OSBPL8: variants seen among roughly 807,000 people sequenced by gnomAD.
OSBPL8 encodes the protein oxysterol-binding protein-related protein 8.
In OSBPL8, 59 loss-of-function variants were observed where a neutral mutation model predicts 125.5. The ratio of observed to expected loss-of-function variants is 0.47; its 90% CI spans 0.38 to 0.58. The LOEUF (loss-of-function observed/expected upper bound fraction) is 0.58, where lower values mean the gene tolerates loss of function less well. Among genes scored for constraint, OSBPL8 ranks in the 20% least tolerant of loss-of-function variants. The probability of loss-of-function intolerance (pLI) is 0.00; values close to 1 mark genes in which losing one functional copy is unlikely to be tolerated. For synonymous variants in OSBPL8, 330 were observed against 338.9 expected, an observed-to-expected ratio of 0.97 and a Z score of 0.29; for missense variants, 758 against 1,047.8, an observed-to-expected ratio of 0.72 and a Z score of 3.82.
intron 3 of OSBPL8, 146 bp from the exon 4 acceptor site, chr12:76,451,134 A>G: frequency 2.2e-6 from 2 of 891,752 alleles, no homozygotes; most frequent in Admixed American, 6.6e-5. Flanking sequence ...AAATTCTCAC[A>G]GTCATCTTGT....
At position 76,355,693 on chromosome 12, in the gene OSBPL8, C is replaced by G. The variant is rs1459307876; in HGVS notation, c.*196G>C. 1 of 558,646 alleles carries G rather than the reference C, an allele frequency of 1.8e-6. No individual in the cohort carries two copies. Among genetic ancestry groups the G allele is most frequent in the Non-Finnish European group, 3.0e-6 (1 of 331,280 alleles). 34.6% of individuals were successfully genotyped at this position (558,646 alleles called of 1,614,324 possible). ...GTCCTGGCACTTAACACATAGCTCA[C>G]TTTAATAATCAAATAGGATAGCTCT... On this transcript the variant is annotated 3_prime_UTR_variant, in exon 24 of 24. Coordinates refer to ENST00000261183, the MANE Select transcript of OSBPL8 (RefSeq NM_020841.5).
rs1013930532 is a variant in OSBPL8, at chr12:76,439,707, A to G, written c.217+11144T>C. 1.8e-4 allele frequency among the ~76,000 whole-genome samples: 28 copies of G among 152,270 alleles called. 1 individual carries two copies. The highest frequency in any genetic ancestry group is 1.6e-3 in the Admixed American group (24 of 15,296). ...TTATAAAAATCACTAGTATTTTCTA[A>G]TTATGGAGTCAGTTTTGGGAAATCA... On this transcript the variant is annotated intron_variant, in intron 4 of 23. Coordinates refer to ENST00000261183, the MANE Select transcript of OSBPL8 (RefSeq NM_020841.5).
intron 4 of OSBPL8, among the ~76,000 whole-genome samples, chr12:76,444,242 A>G (rs1272076702): frequency 6.6e-6 from 1 of 152,248 alleles, no homozygotes; most frequent in East Asian, 1.9e-4. Context: ...GTAAGCAATC[A>G]TTCATTTATT....
intron 15 of OSBPL8, among the ~76,000 whole-genome samples, chr12:76,382,418 G>C (rs1953100784): frequency 1.3e-5 from 2 of 152,060 alleles, no homozygotes; most frequent in Non-Finnish European, 2.9e-5. Flanking sequence ...TTAGGGGACT[G>C]GATAATTATT....
rs183644761 is a variant in OSBPL8, at chr12:76,410,952, C to T, written c.218-318G>A. ...GTTTCCAGCAACGAATTCTAACTCA[C>T]GGAACCAACTCAACATACTTTTCAT... On this transcript the variant is annotated intron_variant, in intron 4 of 23. Transcript: ENST00000261183. Among the ~76,000 whole-genome samples the T allele has an allele frequency of 1.8e-4, 27 of 152,266 alleles. No homozygotes were observed. The East Asian group carries it at 4.1e-3, about 23-fold the overall frequency.
At chr12:76,523,825 G>C (rs557628955) in intron 1 of OSBPL8, among the ~76,000 whole-genome samples, 1 of 152,126 alleles carries the variant, frequency 6.6e-6, no homozygotes, top group East Asian at 1.9e-4. Flanking sequence ...AGCCCAAGCA[G>C]ACTTAGACAT....
chr12:76,499,511 C>T (rs1203488963), intron 1 of OSBPL8, among the ~76,000 whole-genome samples: 4 of 152,078 alleles, frequency 2.6e-5, no homozygotes. Context: ...GCTGGGATTA[C>T]AGGCATGAAC....
intron 21 of OSBPL8, among the ~76,000 whole-genome samples, chr12:76,361,895 T>C (rs1952222401): frequency 6.6e-6 from 1 of 152,132 alleles, no homozygotes; most frequent in South Asian, 2.1e-4. Context: ...GATGGGAACA[T>C]AGAGCCAAAC....
intron 2 of OSBPL8, among the ~76,000 whole-genome samples, chr12:76,464,041 G>T (rs546505170): frequency 2.3e-4 from 35 of 152,264 alleles, no homozygotes; most frequent in African/African-American, 8.4e-4. Context: ...AAAATGCTAG[G>T]CGTTCTTCTT....
At chr12:76,399,416 A>G (rs1439380882) in intron 7 of OSBPL8, among the ~76,000 whole-genome samples, 2 of 152,236 alleles carry the variant, frequency 1.3e-5, no homozygotes, top group African/African-American at 4.8e-5. Context: ...GTCTGGAAAC[A>G]GCAATGTGTG....
chr12:76,356,564 A>G (rs1436258018), intron 23 of OSBPL8, 62 bp downstream of exon 23: 1 of 1,026,482 alleles, frequency 9.7e-7, no homozygotes, highest in East Asian at 2.5e-5. Flanking sequence ...GATTTCCCAT[A>G]TAACAGGATT....
chr12:76,356,359 G>A (rs975765201), intron 23 of OSBPL8, among the ~76,000 whole-genome samples: 11 of 152,142 alleles, frequency 7.2e-5, no homozygotes, highest in Non-Finnish European at 1.3e-4. Context: ...ATGCAACCCA[G>A]CTACATTCCT....
Position 76,468,452 on chromosome 12 carries a change from C to T in OSBPL8, c.43-8557G>A, listed in dbSNP as rs1875727042. Among the ~76,000 whole-genome samples, 2 of 152,218 alleles carry T rather than the reference C, an allele frequency of 1.3e-5. 1 individual carries two copies. Among genetic ancestry groups the T allele is most frequent in the South Asian group, 4.1e-4 (2 of 4,830 alleles). On this transcript the variant is annotated intron_variant, in intron 2 of 23. Coordinates refer to ENST00000261183, the MANE Select transcript of OSBPL8 (RefSeq NM_020841.5). ...CCTACTTTGTTTCTGCTTTCCTACT[C>T]AATAGCTTGAAATTTTTATATGTAT...
chr12:76,356,886 A>T (rs1181627140), intron 22 of OSBPL8, among the ~76,000 whole-genome samples, 158 bp from the exon 23 acceptor site: 1 of 152,256 alleles, frequency 6.6e-6, no homozygotes, highest in Non-Finnish European at 1.5e-5. Context: ...TTTCAAACAC[A>T]TCATTGCAAT....
At position 76,389,786 on chromosome 12, in the gene OSBPL8, T is replaced by C. The variant is rs750512065; in HGVS notation, c.1211A>G (p.Lys404Arg). The C allele has an allele frequency of 6.4e-7, 1 of 1,573,988 alleles. No homozygotes were observed. Among genetic ancestry groups the C allele is most frequent in the African/African-American group, 1.4e-5 (1 of 73,616 alleles). The change falls in exon 12 of 24, where the codon AAA (lysine) becomes AGA (arginine). Residue 404 changes from lysine to arginine, a missense_variant. Lys to Arg is a conservative substitution (Grantham distance 26). This residue lies in a region of OSBPL8 where 572 missense variants were observed against 762.0 expected (regional missense o/e 0.75). Transcript: ENST00000261183. ...TTTCAATAGTGTCCAGATAAGGCTT[T>C]TGTTTTCTTCAGATACAGTTTCTGT... Reference protein sequence around the residue: ...SQTETVSEENKSLIWTLLKQV... With the variant: ...SQTETVSEENRSLIWTLLKQV...
chr12:76,451,955 C>T (rs1446322802), intron 3 of OSBPL8, among the ~76,000 whole-genome samples: 1 of 152,102 alleles, frequency 6.6e-6, no homozygotes, highest in Non-Finnish European at 1.5e-5. Context: ...CCCGTCTCTA[C>T]TAAAAATACA....
At chr12:76,361,166 C>T (rs570617744) in intron 21 of OSBPL8, among the ~76,000 whole-genome samples, 29 of 152,314 alleles carry the variant, frequency 1.9e-4, no homozygotes, top group Admixed American at 7.8e-4. Context: ...GCACCCAAGT[C>T]ACCTCTTCAA....
At chr12:76,528,899 T>G (rs1246083702) in intron 1 of OSBPL8, among the ~76,000 whole-genome samples, 1 of 151,778 alleles carries the variant, frequency 6.6e-6, no homozygotes, top group African/African-American at 2.4e-5. Flanking sequence ...ACTTTAAAAT[T>G]TCATCAAATT....
intron 1 of OSBPL8, among the ~76,000 whole-genome samples, chr12:76,532,839 G>C (rs1004523655): frequency 2.6e-5 from 4 of 152,098 alleles, no homozygotes; most frequent in African/African-American, 4.8e-5. Flanking sequence ...CCTAATGGGG[G>C]CTCCACAAAG....
Sources: allele counts gnomAD v4.1 joint callset (sites outside exome capture counted in the v4.1 genomes callset), GRCh38; gene constraint gnomAD v4.1.1; regional missense constraint gnomAD v4.1.1; transcripts MANE v1.5; gene names NCBI Gene and HGNC (gene_info 2026-07-23, HGNC 2026-07-21).